The following COL6A5 variants were observed in gnomAD, a reference collection of about 807,000 sequenced individuals.
COL6A5 encodes the protein collagen type VI alpha 5 chain.
In COL6A5, 48 loss-of-function variants were observed where a neutral mutation model predicts 65.6. That is an observed-to-expected ratio of 0.73 (90% confidence interval 0.58 to 0.93). COL6A5 has a LOEUF of 0.93. COL6A5 is among the 40% of genes least tolerant of loss of function. The pLI is 0.00. For missense variants in COL6A5, 914 were observed against 928.3 expected, an observed-to-expected ratio of 0.98 and a Z score of 0.20; for synonymous variants, 291 against 322.8, an observed-to-expected ratio of 0.90 and a Z score of 1.05.
intron 28 of COL6A5, 98 bp from the exon 29 acceptor site, chr3:130,423,740 A>T (rs2896545): frequency 0.22 from 178,099 of 800,900 alleles, 18,812 homozygotes; most frequent in East Asian, 0.31. Context: ...CTATCTTTTT[A>T]AAATTTTTTT....
At chr3:130,374,034 C>T (rs984920267) in intron 2 of COL6A5, among the ~76,000 whole-genome samples, 6 of 152,070 alleles carry the variant, frequency 3.9e-5, no homozygotes, top group East Asian at 1.9e-4. Flanking sequence ...AAAAGGAACC[C>T]GACACAGAAA....
chr3:130,347,821 AT>A lies in COL6A5; in HGVS notation c.-29+1841del, dbSNP rs1577412887. 3.3e-5 allele frequency among the ~76,000 whole-genome samples: 5 copies of A among 152,292 alleles called. No individual in the cohort carries two copies. The East Asian group carries it at 9.7e-4, about 29-fold the overall frequency. ...GTTTGCTTTGATGATGCCCCTGTCA[AT>A]CTTGTAGGATCTCAGATCCAGTACA... On this transcript the variant is annotated intron_variant and NMD_transcript_variant, in intron 1 of 41. Coordinates refer to the COL6A5 transcript ENST00000312481.
intron 1 of COL6A5, among the ~76,000 whole-genome samples, chr3:130,365,622 C>G (rs749927480): frequency 3.3e-5 from 5 of 152,174 alleles, no homozygotes; most frequent in Admixed American, 6.5e-5. Flanking sequence ...CTCAACAACA[C>G]AATGTTATAG....
chr3:130,401,081 T>C, exon 11 of COL6A5: 1 of 1,551,072 alleles, frequency 6.4e-7, no homozygotes, highest in Non-Finnish European at 8.7e-7. Flanking sequence ...TCATCATGAG[T>C]TTTCTAGCTT....
intron 7 of COL6A5, among the ~76,000 whole-genome samples, chr3:130,483,523 C>T (rs1710302706): frequency 6.6e-6 from 1 of 152,150 alleles, no homozygotes; most frequent in Non-Finnish European, 1.5e-5. Flanking sequence ...ACTCCAGGTG[C>T]TCATAGTGCA....
rs1577412830 is a variant in COL6A5, at chr3:130,347,796, GTT to G, written c.-29+1817_-29+1818del. On this transcript the variant is annotated intron_variant and NMD_transcript_variant, in intron 1 of 41. Transcript: ENST00000312481. The stretch of plus-strand genomic sequence containing the variant: ...AATGTGTACTTTTCTTGGTATTGCA[GTT>G]TGCTTTGATGATGCCCCTGTCAATC... Among the ~76,000 whole-genome samples the G allele has an allele frequency of 2.6e-5, 4 of 152,302 alleles. No individual in the cohort carries two copies. In the East Asian group the frequency reaches 7.7e-4, roughly 29 times the overall value.
chr3:130,480,180 A>C (rs1428956613), intron 7 of COL6A5, among the ~76,000 whole-genome samples: 1 of 152,032 alleles, frequency 6.6e-6, no homozygotes, highest in Non-Finnish European at 1.5e-5. Context: ...AATATGTAAA[A>C]ATAACAGGGA....
chr3:130,384,510 AAACTATTT>A (rs1223740337), intron 4 of COL6A5, among the ~76,000 whole-genome samples: 3 of 152,034 alleles, frequency 2.0e-5, no homozygotes, highest in African/African-American at 7.2e-5. Flanking sequence ...AATGCTAGAA[AAACTATTT>A]AACTTGGAGC....
intron 1 of COL6A5, among the ~76,000 whole-genome samples, chr3:130,359,727 T>G (rs1935046936): frequency 6.6e-6 from 1 of 152,160 alleles, no homozygotes; most frequent in African/African-American, 2.4e-5. Context: ...CATGCTTGTT[T>G]GTTTACATAT....
At chr3:130,436,328 T>C (rs755103108) in intron 1 of COL6A5, among the ~76,000 whole-genome samples, 217 of 152,136 alleles carry the variant, frequency 1.4e-3, no homozygotes, top group Non-Finnish European at 2.6e-3. Flanking sequence ...CTGTCTACTA[T>C]AGATGGATTT....
chr3:130,401,525 G>A (rs544876409), intron 11 of COL6A5, among the ~76,000 whole-genome samples: 3 of 152,166 alleles, frequency 2.0e-5, no homozygotes, highest in African/African-American at 7.2e-5. Context: ...CCACATACTG[G>A]ATGCCCTGTC....
chr3:130,454,698 C>T (rs1709524812), intron 4 of COL6A5, among the ~76,000 whole-genome samples: 1 of 152,226 alleles, frequency 6.6e-6, no homozygotes, highest in South Asian at 2.1e-4. Context: ...TTAAGAGGCA[C>T]TGATATGGGT....
intron 6 of COL6A5, among the ~76,000 whole-genome samples, chr3:130,470,545 T>A (rs1257021761): frequency 1.5e-4 from 23 of 151,876 alleles, no homozygotes; most frequent in African/African-American, 5.6e-4. Context: ...AAATAAAATA[T>A]AAACATTTTT....
chr3:130,476,079 T>C (rs946650637), intron 7 of COL6A5, among the ~76,000 whole-genome samples: 18 of 152,068 alleles, frequency 1.2e-4, no homozygotes, highest in African/African-American at 4.3e-4. Flanking sequence ...ACAAAGACCA[T>C]AGACTGGGTG....
At chr3:130,467,943 G>T (rs1348220619) in intron 5 of COL6A5, among the ~76,000 whole-genome samples, 1 of 151,934 alleles carries the variant, frequency 6.6e-6, no homozygotes, top group East Asian at 1.9e-4. Context: ...GGCATTTCCT[G>T]TTGACGCCTC....
intron 5 of COL6A5, among the ~76,000 whole-genome samples, chr3:130,461,411 A>G (rs1414865925): frequency 4.6e-5 from 7 of 152,146 alleles, no homozygotes; most frequent in Admixed American, 4.6e-4. Context: ...CAGCCACCAT[A>G]TAAGCACTTT....
At chr3:130,393,183 C>A (rs1936464325) in intron 7 of COL6A5, among the ~76,000 whole-genome samples, 1 of 151,876 alleles carries the variant, frequency 6.6e-6, no homozygotes, top group Non-Finnish European at 1.5e-5. Flanking sequence ...ACCTCGCCAA[C>A]CTCATTGATC....
intron 1 of COL6A5, among the ~76,000 whole-genome samples, chr3:130,368,763 T>C (rs6439228): frequency 0.33 from 49,600 of 151,740 alleles, 11,194 homozygotes; most frequent in African/African-American, 0.61. Flanking sequence ...CCAAAGGAAG[T>C]AGAGTCATAT....
At chr3:130,482,531 C>A (rs1461745568) in intron 7 of COL6A5, among the ~76,000 whole-genome samples, 1 of 152,056 alleles carries the variant, frequency 6.6e-6, no homozygotes, top group Non-Finnish European at 1.5e-5. Flanking sequence ...TATTTGGGCT[C>A]TTTTTTGTTT....
Sources: allele counts gnomAD v4.1 joint callset (sites outside exome capture counted in the v4.1 genomes callset), GRCh38; gene constraint gnomAD v4.1.1; transcripts MANE v1.5; gene names NCBI Gene and HGNC (gene_info 2026-07-23, HGNC 2026-07-21).